Variants in NOTCH3 observed in about 807,000 individuals in gnomAD.
NOTCH3 encodes notch receptor 3.
A neutral mutation model predicts 213.3 loss-of-function variants in NOTCH3; 86 were observed. The ratio of observed to expected loss-of-function variants is 0.40; its 90% CI spans 0.34 to 0.48. The LOEUF (loss-of-function observed/expected upper bound fraction) is 0.48, where lower values mean the gene tolerates loss of function less well. NOTCH3 is among the 20% of genes least tolerant of loss of function. The probability of loss-of-function intolerance (pLI) is 0.57; values close to 1 mark genes in which losing one functional copy is unlikely to be tolerated. For synonymous variants in NOTCH3, 1,354 were observed against 1,355.9 expected, an observed-to-expected ratio of 1.00 and a Z score of 0.03; for missense variants, 2,783 against 3,272.6, an observed-to-expected ratio of 0.85 and a Z score of 3.65.
chr19:15,171,496 T>C (rs1280766268), intron 25 of NOTCH3, among the ~76,000 whole-genome samples: 2 of 152,064 alleles, frequency 1.3e-5, no homozygotes, highest in Non-Finnish European at 2.9e-5. Context: ...ACCACAGACA[T>C]GTGCCACCAC....
At chr19:15,174,705 C>A (rs945503286) in intron 24 of NOTCH3, among the ~76,000 whole-genome samples, 36 of 152,228 alleles carry the variant, frequency 2.4e-4, no homozygotes, top group African/African-American at 8.7e-4. Flanking sequence ...TCCCAAGTAG[C>A]TGGGATTACA....
At chr19:15,186,379 ATGTGTGTGTGTGTGTGTGTG>A (rs36233245) in intron 12 of NOTCH3, among the ~76,000 whole-genome samples, 2 of 138,470 alleles carry the variant, frequency 1.4e-5, no homozygotes, top group Non-Finnish European at 3.1e-5. Flanking sequence ...TTGTTTTTGT[ATGTGTGTGTGTGTGTGTGTG>A]TGTGTGTGTG....
rs2145421391 is a variant in NOTCH3 at position 15,180,673 on chromosome 19, C to A, written c.3142+8G>T. On this transcript the variant is annotated splice_region_variant and intron_variant, in intron 19 of 32. Transcript: ENST00000263388. ...GCCCCACACGCCCGCCCACATGCTC[C>A]CACTCACCGATCTGGGCTGCGGCCT... The A allele has an allele frequency of 6.5e-7, 1 of 1,549,858 alleles. No individual in the cohort carries two copies. Among genetic ancestry groups the A allele is most frequent in the East Asian group, 2.4e-5 (1 of 41,262 alleles).
rs1416979320 is a variant in NOTCH3, at chr19:15,173,417, G to A, written c.4736+651C>T. Reference sequence around the variant, plus strand: ...AGCCTGGGCGACAGAGCGAGACTCCGTCTCAAAAAAAAAAAAAAAAAAAAA... The same window carrying A: ...AGCCTGGGCGACAGAGCGAGACTCCATCTCAAAAAAAAAAAAAAAAAAAAA... On this transcript the variant is annotated intron_variant, in intron 25 of 32. Coordinates refer to ENST00000263388, the MANE Select transcript of NOTCH3 (RefSeq NM_000435.3). Among the ~76,000 whole-genome samples, 172 of 55,674 alleles carry A rather than the reference G, an allele frequency of 3.1e-3. 2 individuals are homozygous for A. The highest frequency in any genetic ancestry group is 0.015 in the African/African-American group (167 of 11,378). The allele number at this position is 55,674 out of a possible 152,430, so 36.5% of individuals were successfully genotyped here.
rs538287388 is a variant in NOTCH3, at chr19:15,191,330, G to A, written c.1036+94C>T. On this transcript the variant is annotated intron_variant, in intron 6 of 32. Transcript: ENST00000263388. ...TTACAGGCATGAGCCACTGTGCCCA[G>A]CCTAGCATAATCTTTCTAACACTCA... The A allele has an allele frequency of 9.6e-5, 111 of 1,154,204 alleles. No homozygotes were observed. The South Asian group carries it at 1.4e-3, about 14-fold the overall frequency. 71.5% of individuals were successfully genotyped at this position (1,154,204 alleles called of 1,614,324 possible). A position where few individuals can be genotyped will look rare whatever the true frequency, so the allele number is the denominator to read the frequency against.
chr19:15,162,848 T>C (rs2046657592), intron 31 of NOTCH3, among the ~76,000 whole-genome samples: 2 of 152,080 alleles, frequency 1.3e-5, no homozygotes, highest in African/African-American at 4.8e-5. Context: ...CCTCCTTCAG[T>C]TGAACCTAGG....
intron 25 of NOTCH3, among the ~76,000 whole-genome samples, chr19:15,173,737 A>C (rs866319432): frequency 2.5e-4 from 1 of 3,958 alleles, no homozygotes; most frequent in Admixed American, 1.0e-3. Context: ...AAAAAAAAAA[A>C]AAAAGAAAAG....
rs371491165 is a variant in NOTCH3 at position 15,192,188 on chromosome 19, G to C, written c.451C>G (p.Gln151Glu). Residue 151 changes from glutamine to glutamate, a missense_variant, in exon 4 of 33, where the codon CAG becomes GAG. This residue lies in a region of NOTCH3 where 708 missense variants were observed against 906.6 expected (regional missense o/e 0.78). Coordinates refer to ENST00000263388, the MANE Select transcript of NOTCH3 (RefSeq NM_000435.3). ...RFLCSCPPGY[Q>E]GRSCRSDVDE... Reference sequence around the variant, plus strand: ...ACGTCGCTTCGGCAGCTGCGGCCCTGGTAGCCAGGTGGGCAGGAGCAGAGG... The same window carrying C: ...ACGTCGCTTCGGCAGCTGCGGCCCTCGTAGCCAGGTGGGCAGGAGCAGAGG... 2.4e-5 allele frequency: 38 copies of C among 1,612,416 alleles called. No homozygotes were observed. The highest frequency in any genetic ancestry group is 1.7e-4 in the Middle Eastern group (1 of 6,060).
At position 15,181,129 on chromosome 19, in the gene NOTCH3, G is replaced by A. The variant is rs758320993; in HGVS notation, c.2826C>T (p.Gly942=). The A allele has an allele frequency of 1.9e-6, 3 of 1,607,360 alleles. No homozygotes were observed. Among genetic ancestry groups the A allele is most frequent in the Non-Finnish European group, 8.5e-7 (1 of 1,177,656 alleles). Residue 942 remains glycine (G), a synonymous_variant, in exon 18 of 33, where the codon GGC becomes GGT. Transcript: ENST00000263388. ...SCFNGGTCVD[G]VNSFSCLCRP... Reference sequence around the variant, plus strand: ...GGCACAGGCAGCTGAACGAGTTCACGCCGTCCACACAGGTCCCGCCATTGA... The same window carrying A: ...GGCACAGGCAGCTGAACGAGTTCACACCGTCCACACAGGTCCCGCCATTGA...
rs751050359 is a variant in NOTCH3, at chr19:15,161,527, G to C, written c.6101C>G (p.Pro2034Arg). The change falls in exon 33 of 33, where the codon CCC becomes CGC. Residue 2034 changes from proline to arginine, a missense_variant. Physicochemically the swap from Pro to Arg is moderately radical, Grantham distance 103. Around this residue, in one of 6 missense-constraint regions of NOTCH3, gnomAD observed 441 missense variants for 432.1 expected, o/e 1.02. Transcript: ENST00000263388. ...CAGAGGCCCCAGGCCGTGGGGACCG[G>C]GGGGGCTGCGGGGCCCACTGGGTTG... is the stretch of plus-strand genomic sequence containing the variant. ...LDQPSGPRSP[P>R]GPHGLGPLLC... 5 of 1,601,280 alleles carry C rather than the reference G, an allele frequency of 3.1e-6. No homozygotes were observed. In the African/African-American group the frequency reaches 5.3e-5, roughly 17 times the overall value.
In NOTCH3 at chr19:15,185,735, G is replaced by A. The variant is rs2046876737; in HGVS notation, c.1952-56C>T. On this transcript the variant is annotated intron_variant, in intron 12 of 32. Coordinates refer to ENST00000263388, the MANE Select transcript of NOTCH3 (RefSeq NM_000435.3). This position sits in a 1 kb window ranked among gnomAD's most constrained non-coding sequence, Gnocchi z 4.2. ...AACAAAGTCAGCAGGGACAACCAGG[G>A]AGGGACGACGTGACCCCACTTAGCA... 6.4e-7 allele frequency: 1 copy of A among 1,573,430 alleles called. No individual in the cohort carries two copies. The highest frequency in any genetic ancestry group is 1.3e-5 in the African/African-American group (1 of 74,232).
intron 24 of NOTCH3, among the ~76,000 whole-genome samples, chr19:15,174,606 C>G (rs1250387871): frequency 6.6e-6 from 1 of 151,056 alleles, no homozygotes; most frequent in Non-Finnish European, 1.5e-5. Flanking sequence ...GAGTCTTGCT[C>G]TGTCGCCCAG....
chr19:15,178,210 G>C, intron 23 of NOTCH3, 120 bp from the exon 24 acceptor site: 2 of 629,540 alleles, frequency 3.2e-6, no homozygotes, highest in Non-Finnish European at 2.7e-6. Context: ...GAAGAGAAGA[G>C]GTCAAGACTA....
At chr19:15,197,441 G>GCGCCGCCCCCCCCCCC in intron 2 of NOTCH3, 59 bp downstream of exon 2, 1 of 768,364 alleles carries the variant, frequency 1.3e-6, no homozygotes, top group East Asian at 2.7e-5. Flanking sequence ...AAGACAAATC[G>GCGCCGCCCCCCCCCCC]CCCCTCCCCC....
Position 15,200,836 on chromosome 19 carries a change from C to G in NOTCH3, c.70G>C (p.Val24Leu). ...AGCAGCAGCAGGGGCAGCGCCCGCA[C>G]GGGTGGCGGTGGCGGTGGCGGCGAC... The part of the protein sequence containing the change: ...PMSPPPPPPP[V>L]RALPLLLLLA... The change falls in exon 1 of 33, where the codon GTG becomes CTG. Residue 24 changes from valine to leucine, a missense_variant. Physicochemically the swap from Val to Leu is conservative, Grantham distance 32. Around this residue, in one of 6 missense-constraint regions of NOTCH3, gnomAD observed 708 missense variants for 906.6 expected, o/e 0.78. Coordinates refer to ENST00000263388, the MANE Select transcript of NOTCH3 (RefSeq NM_000435.3). 2 of 1,177,830 alleles carry G rather than the reference C, an allele frequency of 1.7e-6. No homozygotes were observed. Among genetic ancestry groups the G allele is most frequent in the Non-Finnish European group, 2.1e-6 (2 of 939,010 alleles). The allele number at this position is 1,177,830 out of a possible 1,614,324, so 73.0% of individuals were successfully genotyped here.
intron 23 of NOTCH3, 102 bp downstream of exon 23, chr19:15,178,721 G>A (rs998052460): frequency 4.7e-6 from 4 of 848,512 alleles, no homozygotes; most frequent in Non-Finnish European, 5.9e-6. Flanking sequence ...CCTTCCCTTC[G>A]ATGTCTCCCC....
At chr19:15,183,424 G>A (rs1176241708) in intron 16 of NOTCH3, among the ~76,000 whole-genome samples, 4 of 144,842 alleles carry the variant, frequency 2.8e-5, no homozygotes, top group Admixed American at 2.0e-4. Flanking sequence ...TTTTGAGACG[G>A]AGTTATGCCT....
intron 9 of NOTCH3, 81 bp from the exon 10 acceptor site, chr19:15,188,075 G>A (rs945956750): frequency 3.0e-5 from 36 of 1,183,556 alleles, no homozygotes; most frequent in Non-Finnish European, 4.2e-5. Flanking sequence ...TTGTTTGGGT[G>A]GAAAAACCCA....
At chr19:15,161,925 A>T (rs1028969183) in intron 32 of NOTCH3, among the ~76,000 whole-genome samples, 1 of 151,600 alleles carries the variant, frequency 6.6e-6, no homozygotes, top group Admixed American at 6.6e-5. Context: ...GGTCAAGGCC[A>T]GGACTAGGGT....
Sources: gnomAD v4.1 joint callset for allele counts (sites outside exome capture counted in the v4.1 genomes callset) on GRCh38, gnomAD v4.1.1 for gene constraint, gnomAD v4.1.1 regional missense constraint, Gnocchi (gnomAD v3.1) non-coding constraint, MANE v1.5 for transcripts, NCBI Gene and HGNC (gene_info 2026-07-23, HGNC 2026-07-21) for gene names.